Variants in SEMA7A observed in about 807,000 individuals in gnomAD.
SEMA7A encodes the protein semaphorin 7A (JohnMiltonHagen blood group).
Under a neutral mutation model 67.5 loss-of-function variants are expected in SEMA7A, and 21 were observed. The ratio of observed to expected loss-of-function variants is 0.31; its 90% confidence interval spans 0.22 to 0.45. The LOEUF (loss-of-function observed/expected upper bound fraction) is 0.45. Ranked by LOEUF, SEMA7A falls within the 20% of genes least tolerant of loss-of-function variation. The probability of loss-of-function intolerance (pLI) is 1.00; values close to 1 mark genes in which losing one functional copy is unlikely to be tolerated. For synonymous variants in SEMA7A, 364 were observed against 368.5 expected, an observed-to-expected ratio of 0.99 and a Z score of 0.14; for missense variants, 774 against 908.6, an observed-to-expected ratio of 0.85 and a Z score of 1.90.
intron 1 of SEMA7A, chr15:74,427,074 C>T: frequency 3.3e-6 from 1 of 306,756 alleles, no homozygotes; most frequent in Non-Finnish European, 4.8e-6. Context: ...ATGGATCTTA[C>T]CTGTCCTTGA....
In SEMA7A at chr15:74,417,681, G is replaced by T; in HGVS notation, c.466-6C>A. On this transcript the variant is annotated splice_region_variant and splice_polypyrimidine_tract_variant and intron_variant, in intron 4 of 13. Coordinates refer to ENST00000261918, the MANE Select transcript of SEMA7A (RefSeq NM_003612.5). ...GGCACCACAGTGCCATTCACCTGTG[G>T]GAGATCCAGAGGGTTGGATGGCCAC... The T allele has an allele frequency of 6.2e-7, 1 of 1,609,208 alleles. No homozygotes were observed. Among genetic ancestry groups the T allele is most frequent in the Non-Finnish European group, 8.5e-7 (1 of 1,178,408 alleles).
chr15:74,411,943 T>G lies in SEMA7A; in HGVS notation c.1364A>C (p.Glu455Ala), dbSNP rs778596619. ...AGCCGCGCGGCGGAAGGGCTGGATC[T>G]CCATGATGTTGAAGGCGAAGCTGTG... ...QEHSFAFNIM[E>A]IQPFRRAAAI... Residue 455 changes from glutamate (E) to alanine (A), a missense_variant, in exon 11 of 14, where the codon GAG becomes GCG. Glu to Ala is a moderately radical substitution (Grantham distance 107, BLOSUM62 -1). This residue lies in a region of SEMA7A where 427 missense variants were observed against 555.4 expected (regional missense o/e 0.77). Coordinates refer to ENST00000261918, the MANE Select transcript of SEMA7A (RefSeq NM_003612.5). The surrounding 1 kb of genome is among the most constrained non-coding windows in gnomAD (Gnocchi z 4.4). 1 of 1,613,910 alleles carries G rather than the reference T, an allele frequency of 6.2e-7. No individual in the cohort carries two copies. The highest frequency in any genetic ancestry group is 1.3e-5 in the African/African-American group (1 of 74,916).
rs1215508979 is a variant in SEMA7A, at chr15:74,433,953, G to A, written c.-35C>T. The stretch of plus-strand genomic sequence containing the variant: ...CCGGGAGCGACAGCGGCAATCAGCC[G>A]AGACTGAGCCAGCGCCCGGCCGCAG... On this transcript the variant is annotated 5_prime_UTR_variant, in exon 1 of 14. Transcript: ENST00000261918. The A allele has an allele frequency of 4.0e-6, 5 of 1,236,070 alleles. No individual in the cohort carries two copies. Among genetic ancestry groups the A allele is most frequent in the South Asian group, 7.5e-5 (2 of 26,768 alleles). The allele number at this position is 1,236,070 out of a possible 1,614,324, so 76.6% of individuals were successfully genotyped here.
Position 74,414,717 on chromosome 15 carries a change from G to C in SEMA7A, c.1124C>G (p.Thr375Arg). Residue 375 changes from threonine to arginine, a missense_variant, in exon 10 of 14, where the codon ACA becomes AGA. Around this residue, in one of 2 missense-constraint regions of SEMA7A, gnomAD observed 427 missense variants for 555.4 expected, o/e 0.77. Transcript: ENST00000261918. This position sits in a 1 kb window ranked among gnomAD's most constrained non-coding sequence, Gnocchi z 4.1. The part of the protein sequence containing the change: ...KCLPDQQPIP[T>R]ETFQVADRHP... ...ACGGTCAGCCACCTGGAAGGTCTCT[G>C]TGGGTATCGGCTGCTGGTCTGGGAG... is the stretch of plus-strand genomic sequence containing the variant. 6.2e-7 allele frequency: 1 copy of C among 1,614,188 alleles called. No homozygotes were observed. Among genetic ancestry groups the C allele is most frequent in the Non-Finnish European group, 8.5e-7 (1 of 1,180,048 alleles).
rs774352261 is a variant in SEMA7A, at chr15:74,411,672, C to T, written c.1461G>A (p.Gln487=). 2 of 1,613,684 alleles carry T rather than the reference C, an allele frequency of 1.2e-6. No homozygotes were observed. Among genetic ancestry groups the T allele is most frequent in the East Asian group, 2.2e-5 (1 of 44,880 alleles). The change falls in exon 12 of 14, where the codon CAG becomes CAA. Residue 487 remains glutamine (Q), a synonymous_variant. Transcript: ENST00000261918. The surrounding 1 kb of genome is among the most constrained non-coding windows in gnomAD (Gnocchi z 4.4). ...LYVSSQWEVS[Q]VPLDLCEVYG... is the part of the protein sequence containing the mutation. Reference sequence around the variant, plus strand: ...AGACCTCACACAGGTCCAGGGGCACCTGGCTCACCTCCCACTGGGAGCTCA... The same window carrying T: ...AGACCTCACACAGGTCCAGGGGCACTTGGCTCACCTCCCACTGGGAGCTCA...
At chr15:74,415,525 G>A (rs554286195) in intron 8 of SEMA7A, among the ~76,000 whole-genome samples, 28 of 152,130 alleles carry the variant, frequency 1.8e-4, no homozygotes, top group African/African-American at 6.3e-4. Context: ...GTCCACTCTC[G>A]GCACAAGCAG....
chr15:74,411,400 C>T lies in SEMA7A; in HGVS notation c.1578-44G>A, dbSNP rs765287860. On this transcript the variant is annotated intron_variant, in intron 12 of 13. Transcript: ENST00000261918. The surrounding 1 kb of genome is among the most constrained non-coding windows in gnomAD (Gnocchi z 4.4). Reference sequence around the variant, plus strand: ...AAGAGGATCAGCAGATACAAGGCTGCAGACCTGACCCTCCTATCCTTACCC... The same window carrying T: ...AAGAGGATCAGCAGATACAAGGCTGTAGACCTGACCCTCCTATCCTTACCC... 6.2e-6 allele frequency: 10 copies of T among 1,604,396 alleles called. No homozygotes were observed. Among genetic ancestry groups the T allele is most frequent in the Non-Finnish European group, 8.5e-6 (10 of 1,174,056 alleles).
chr15:74,431,907 G>A (rs967625603), intron 1 of SEMA7A, among the ~76,000 whole-genome samples: 28 of 152,252 alleles, frequency 1.8e-4, no homozygotes, highest in African/African-American at 6.8e-4. Context: ...TTACTAAGCA[G>A]AGGGCACAGC....
chr15:74,423,748 T>C lies in SEMA7A; in HGVS notation c.179-4796A>G, dbSNP rs1323784101. On this transcript the variant is annotated intron_variant, in intron 1 of 13. Transcript: ENST00000261918. The surrounding 1 kb of genome is among the most constrained non-coding windows in gnomAD (Gnocchi z 4.1). The stretch of plus-strand genomic sequence containing the variant: ...ATGGTGGAAGTGTAGGTGCCGTGCA[T>C]GTCAGAGTGGTAGAGGAAACCCTTC... Among the ~76,000 whole-genome samples, 7 of 152,102 alleles carry C rather than the reference T, an allele frequency of 4.6e-5. No individual in the cohort carries two copies. Among genetic ancestry groups the C allele is most frequent in the Non-Finnish European group, 2.9e-5 (2 of 68,010 alleles).
At chr15:74,417,235 G>A (rs1361330205) in intron 6 of SEMA7A, 100 bp downstream of exon 6, 55 of 902,240 alleles carry the variant, frequency 6.1e-5, no homozygotes, top group African/African-American at 1.1e-4. Flanking sequence ...TGGCCCCAGC[G>A]GCCCTCAGGG....
At chr15:74,431,795 G>A (rs2061090945) in intron 1 of SEMA7A, among the ~76,000 whole-genome samples, 2 of 151,380 alleles carry the variant, frequency 1.3e-5, no homozygotes, top group South Asian at 2.1e-4. Context: ...GGGCCTGTCT[G>A]GCCAGTGGGG....
chr15:74,418,279 G>T lies in SEMA7A; in HGVS notation c.361C>A (p.Leu121Met). ...CCTCCCCCACTCACCCGCTTATCCA[G>T]ACAGGACCCCTTTGTGGAGCCGATA... ...VNIGSTKGSC[L>M]DKRDCENYIT... is the part of the protein sequence containing the mutation. The change falls in exon 3 of 14, where the codon CTG becomes ATG. Residue 121 changes from leucine (L) to methionine (M), a missense_variant. Leu to Met is a conservative substitution (Grantham distance 15). Coordinates refer to ENST00000261918, the MANE Select transcript of SEMA7A (RefSeq NM_003612.5). 1 of 1,612,242 alleles carries T rather than the reference G, an allele frequency of 6.2e-7. No homozygotes were observed.
chr15:74,411,292 T>A lies in SEMA7A; in HGVS notation c.1639+3A>T, dbSNP rs754895341. On this transcript the variant is annotated splice_donor_region_variant and intron_variant, in intron 13 of 13. Coordinates refer to ENST00000261918, the MANE Select transcript of SEMA7A (RefSeq NM_003612.5). The surrounding 1 kb of genome is among the most constrained non-coding windows in gnomAD (Gnocchi z 4.4). ...CAGCCGCCAGCAGGGCCAGATCAGGTACCTGGTTTGGGGTTGGGACACTCC... is the reference window on the plus strand; with the variant it reads ...CAGCCGCCAGCAGGGCCAGATCAGGAACCTGGTTTGGGGTTGGGACACTCC... 1 of 1,613,840 alleles carries A rather than the reference T, an allele frequency of 6.2e-7. No individual in the cohort carries two copies. Among genetic ancestry groups the A allele is most frequent in the South Asian group, 1.1e-5 (1 of 91,052 alleles).
chr15:74,416,601 C>G lies in SEMA7A; in HGVS notation c.775G>C (p.Val259Leu), dbSNP rs758451986. ...PDKNPEAPLNVSRVAQLCRGD... is the reference protein window; with the variant it reads ...PDKNPEAPLNLSRVAQLCRGD... Reference sequence around the variant, plus strand: ...CTGCACAACTGGGCCACACGGGACACATTGAGAGGAGCCTCAGGATTCTTG... The same window carrying G: ...CTGCACAACTGGGCCACACGGGACAGATTGAGAGGAGCCTCAGGATTCTTG... Residue 259 changes from valine (V) to leucine (L), a missense_variant, in exon 7 of 14, where the codon GTG becomes CTG. Around this residue, in one of 2 missense-constraint regions of SEMA7A, gnomAD observed 427 missense variants for 555.4 expected, o/e 0.77. Transcript: ENST00000261918. 6.2e-7 allele frequency: 1 copy of G among 1,614,120 alleles called. No individual in the cohort carries two copies. The highest frequency in any genetic ancestry group is 1.3e-5 in the African/African-American group (1 of 75,036).
intron 10 of SEMA7A, 128 bp from the exon 11 acceptor site, chr15:74,412,140 C>A (rs182878525): frequency 5.4e-6 from 6 of 1,118,038 alleles, no homozygotes; most frequent in Non-Finnish European, 7.7e-6. Context: ...GTGGGCAGGG[C>A]GAGGAGAGCG....
In SEMA7A at chr15:74,411,153, G is replaced by A; in HGVS notation, c.1639+142C>T. 7.6e-7 allele frequency: 1 copy of A among 1,322,276 alleles called. No homozygotes were observed. The highest frequency in any genetic ancestry group is 1.0e-6 in the Non-Finnish European group (1 of 972,416). 81.9% of individuals were successfully genotyped at this position (1,322,276 alleles called of 1,614,324 possible). On this transcript the variant is annotated intron_variant, in intron 13 of 13. Transcript: ENST00000261918. The surrounding 1 kb of genome is among the most constrained non-coding windows in gnomAD (Gnocchi z 4.4). ...CCCGTCTCGCTCATCCCACCAAGAGGGCTCCCTCTGCAGGACTGTATCCTG... is the reference window on the plus strand; with the variant it reads ...CCCGTCTCGCTCATCCCACCAAGAGAGCTCCCTCTGCAGGACTGTATCCTG...
At chr15:74,422,208 G>A (rs1261765236) in intron 1 of SEMA7A, among the ~76,000 whole-genome samples, 1 of 151,986 alleles carries the variant, frequency 6.6e-6, no homozygotes, top group East Asian at 1.9e-4. Context: ...GAACCTACGA[G>A]CAGGGCCAGG....
rs1460530973 is a variant in SEMA7A at position 74,423,023 on chromosome 15, A to G, written c.179-4071T>C. 6.6e-6 allele frequency among the ~76,000 whole-genome samples: 1 copy of G among 152,206 alleles called. No homozygotes were observed. The highest frequency in any genetic ancestry group is 1.9e-4 in the East Asian group (1 of 5,192). ...TGACCCACTGACCCAGTGGGCCTTG[A>G]ATGTAACCTCAAGGAGCCTTTTGAA... On this transcript the variant is annotated intron_variant, in intron 1 of 13. Coordinates refer to ENST00000261918, the MANE Select transcript of SEMA7A (RefSeq NM_003612.5). This position sits in a 1 kb window ranked among gnomAD's most constrained non-coding sequence, Gnocchi z 4.1.
In SEMA7A at chr15:74,433,791, G is replaced by A. The variant is rs370718073; in HGVS notation, c.128C>T (p.Ser43Phe). Residue 43 changes from serine to phenylalanine, a missense_variant, in exon 1 of 14, where the codon TCC becomes TTC. Physicochemically the swap from Ser to Phe is radical, Grantham distance 155. Transcript: ENST00000261918. ...LLLLLWAAAASAQGHLRSGPR... is the reference protein window; with the variant it reads ...LLLLLWAAAAFAQGHLRSGPR... ...TCCGCTCCTTAGGTGGCCCTGGGCG[G>A]AGGCGGCGGCCGCCCAGAGCAGCAG... The A allele has an allele frequency of 3.1e-5, 45 of 1,432,472 alleles. No individual in the cohort carries two copies. The South Asian group carries it at 5.6e-4, about 18-fold the overall frequency. The allele number at this position is 1,432,472 out of a possible 1,614,324, so 88.7% of individuals were successfully genotyped here. A position where few individuals can be genotyped will look rare whatever the true frequency, so the allele number is the denominator to read the frequency against.
Sources: allele counts gnomAD v4.1 joint callset (sites outside exome capture counted in the v4.1 genomes callset), GRCh38; gene constraint gnomAD v4.1.1; regional missense constraint gnomAD v4.1.1; non-coding constraint Gnocchi (gnomAD v3.1); transcripts MANE v1.5; gene names NCBI Gene and HGNC (gene_info 2026-07-23, HGNC 2026-07-21).